Variants in CNTN3 observed in about 807,000 individuals in gnomAD.
CNTN3 encodes the protein contactin 3.
In CNTN3, 60 loss-of-function variants were observed where a neutral mutation model predicts 119.1. The ratio of observed to expected loss-of-function variants is 0.50; its 90% CI spans 0.41 to 0.62. CNTN3 has a LOEUF of 0.62. Among genes scored for constraint, CNTN3 ranks in the 20% least tolerant of loss-of-function variants. The pLI is 0.00. For missense variants in CNTN3, 1,101 were observed against 1,242.4 expected, an observed-to-expected ratio of 0.89 and a Z score of 1.71; for synonymous variants, 450 against 438.7, an observed-to-expected ratio of 1.03 and a Z score of -0.32.
chr3:74,545,749 T>A (rs554959087), intron 1 of CNTN3, among the ~76,000 whole-genome samples: 5 of 152,196 alleles, frequency 3.3e-5, no homozygotes, highest in African/African-American at 9.6e-5. Context: ...TTTAAAATTA[T>A]GTTTTTGTTG....
intron 4 of CNTN3, among the ~76,000 whole-genome samples, chr3:74,457,206 C>T (rs1335540549): frequency 6.6e-6 from 1 of 151,864 alleles, no homozygotes; most frequent in Non-Finnish European, 1.5e-5. Context: ...AAAGAAATCA[C>T]CATTTAGTGT....
chr3:74,340,769 TG>T (rs745843447), intron 11 of CNTN3, among the ~76,000 whole-genome samples: 1 of 152,148 alleles, frequency 6.6e-6, no homozygotes, highest in Non-Finnish European at 1.5e-5. Flanking sequence ...ACCACTTCTA[TG>T]ATTAGTAAGC....
intron 1 of CNTN3, among the ~76,000 whole-genome samples, chr3:74,603,675 A>G (rs369843494): frequency 6.6e-6 from 1 of 152,164 alleles, no homozygotes. Flanking sequence ...AGAAGATACA[A>G]ATAAATGGAA....
chr3:74,593,826 G>C (rs2106691223), intron 1 of CNTN3, among the ~76,000 whole-genome samples: 1 of 152,052 alleles, frequency 6.6e-6, no homozygotes, highest in South Asian at 2.1e-4. Flanking sequence ...ATGCCTCACG[G>C]ACTTGGAAAT....
Position 74,297,984 on chromosome 3 carries a change from C to T in CNTN3, c.2374G>A (p.Val792Met). ...NNKGEGPFSP[V>M]TTVFSAEEEP... is the part of the protein sequence containing the mutation. Reference sequence around the variant, plus strand: ...TCTTCTGCAGAGAACACTGTTGTCACTGGGCTAAATGGTCCTTCACCTTTG... The same window carrying T: ...TCTTCTGCAGAGAACACTGTTGTCATTGGGCTAAATGGTCCTTCACCTTTG... The change falls in exon 18 of 23, where the codon GTG becomes ATG. Residue 792 changes from valine (V) to methionine (M), a missense_variant. Transcript: ENST00000263665. 6.2e-7 allele frequency: 1 copy of T among 1,613,762 alleles called. No individual in the cohort carries two copies. Among genetic ancestry groups the T allele is most frequent in the African/African-American group, 1.3e-5 (1 of 75,046 alleles).
chr3:74,577,593 T>C (rs1482716995), intron 1 of CNTN3, among the ~76,000 whole-genome samples: 1 of 152,192 alleles, frequency 6.6e-6, no homozygotes, highest in Non-Finnish European at 1.5e-5. Context: ...AACATCCATA[T>C]GTTCTCATTC....
At chr3:74,495,627 TTTAGCAC>T (rs1425164656) in intron 3 of CNTN3, among the ~76,000 whole-genome samples, 35 of 152,156 alleles carry the variant, frequency 2.3e-4, no homozygotes, top group Admixed American at 1.2e-3. Context: ...GTTAGCAGAA[TTTAGCAC>T]ATTATTTTAT....
chr3:74,393,177 A>C (rs975225320), intron 5 of CNTN3, among the ~76,000 whole-genome samples: 1 of 152,210 alleles, frequency 6.6e-6, no homozygotes, highest in African/African-American at 2.4e-5. Flanking sequence ...AATTCGACTG[A>C]AAGAAACATC....
At chr3:74,413,776 C>T (rs12488732) in intron 5 of CNTN3, among the ~76,000 whole-genome samples, 100,153 of 151,942 alleles carry the variant, frequency 0.66, 33,906 homozygotes, top group East Asian at 0.8. Flanking sequence ...AACCCTGGTA[C>T]CATTTCAAAG....
At chr3:74,299,821 T>C (rs747572765) in intron 17 of CNTN3, 47 bp downstream of exon 17, 7 of 1,503,484 alleles carry the variant, frequency 4.7e-6, no homozygotes, top group Non-Finnish European at 6.4e-6. Flanking sequence ...ATAATGATCA[T>C]GGGAACAGCA....
intron 4 of CNTN3, among the ~76,000 whole-genome samples, chr3:74,433,845 C>A (rs1407334401): frequency 6.6e-6 from 1 of 152,296 alleles, no homozygotes; most frequent in Non-Finnish European, 1.5e-5. Flanking sequence ...TATTGCTGTT[C>A]TTTCTTATTT....
chr3:74,407,569 G>A (rs1701356268), intron 5 of CNTN3, among the ~76,000 whole-genome samples: 2 of 150,400 alleles, frequency 1.3e-5, no homozygotes, highest in African/African-American at 2.5e-5. Flanking sequence ...CACCGCGCCC[G>A]GCCAAGCCAA....
intron 4 of CNTN3, among the ~76,000 whole-genome samples, chr3:74,460,772 C>CATATAT (rs71129755): frequency 1.5e-4 from 13 of 89,508 alleles, no homozygotes; most frequent in Non-Finnish European, 1.8e-4. Flanking sequence ...TTCTTATTTT[C>CATATAT]ATATATATAT....
intron 20 of CNTN3, among the ~76,000 whole-genome samples, chr3:74,281,961 T>C (rs1702022269): frequency 6.6e-6 from 1 of 152,224 alleles, no homozygotes; most frequent in African/African-American, 2.4e-5. Context: ...AGCAGAATAT[T>C]TATCCTACAG....
chr3:74,362,793 CTG>C (rs1443708317), intron 10 of CNTN3, among the ~76,000 whole-genome samples: 1 of 152,056 alleles, frequency 6.6e-6, no homozygotes, highest in Non-Finnish European at 1.5e-5. Context: ...ATAGCTAATG[CTG>C]TGTCTTATGG....
At chr3:74,436,612 G>A (rs914716354) in intron 4 of CNTN3, among the ~76,000 whole-genome samples, 1 of 152,082 alleles carries the variant, frequency 6.6e-6, no homozygotes, top group Non-Finnish European at 1.5e-5. Flanking sequence ...ATATGAATAT[G>A]AAAAAAGGAA....
intron 4 of CNTN3, among the ~76,000 whole-genome samples, chr3:74,432,466 C>G (rs1430554267): frequency 6.6e-6 from 1 of 151,830 alleles, no homozygotes; most frequent in Admixed American, 6.6e-5. Context: ...GCATTCGAAG[C>G]CACCATAGGC....
intron 1 of CNTN3, among the ~76,000 whole-genome samples, chr3:74,566,670 C>A (rs1704230616): frequency 6.6e-6 from 1 of 152,154 alleles, no homozygotes; most frequent in African/African-American, 2.4e-5. Context: ...CACCCTAATC[C>A]AGTAAACTCA....
chr3:74,293,227 A>G lies in CNTN3; in HGVS notation c.2517+1894T>C, dbSNP rs971664193. On this transcript the variant is annotated intron_variant, in intron 19 of 22. Transcript: ENST00000263665. ...CTCAATTTTAACAACACCTTCAGGT[A>G]ATTCTGCTGTAGGGGGTTCACAGCC... Among the ~76,000 whole-genome samples the G allele has an allele frequency of 2.0e-5, 3 of 152,168 alleles. No homozygotes were observed. In the East Asian group the frequency reaches 5.8e-4, roughly 29 times the overall value.
Sources: allele counts gnomAD v4.1 joint callset (sites outside exome capture counted in the v4.1 genomes callset), GRCh38; gene constraint gnomAD v4.1.1; transcripts MANE v1.5; gene names NCBI Gene and HGNC (gene_info 2026-07-23, HGNC 2026-07-21).